Variants in PRKAR2B observed in about 807,000 individuals in gnomAD.
PRKAR2B encodes cAMP-dependent protein kinase type II-beta regulatory subunit.
In PRKAR2B, 14 loss-of-function variants were observed where a neutral mutation model predicts 49.9. That is an observed-to-expected ratio of 0.28 (90% CI 0.19 to 0.44). PRKAR2B has a LOEUF of 0.44. Among genes scored for constraint, PRKAR2B ranks in the 20% least tolerant of loss-of-function variants. The probability of loss-of-function intolerance (pLI) is 1.00; values close to 1 mark genes in which losing one functional copy is unlikely to be tolerated. For missense variants in PRKAR2B, 393 were observed against 537.9 expected (o/e 0.73, Z 2.67); for synonymous variants, 196 against 197.7 (o/e 0.99, Z 0.07).
intron 2 of PRKAR2B, among the ~76,000 whole-genome samples, chr7:107,083,168 G>T (rs998535817): frequency 6.6e-6 from 1 of 151,300 alleles, no homozygotes; most frequent in Non-Finnish European, 1.5e-5. Flanking sequence ...CCCTTGAGGG[G>T]ATTGTGCTAC....
chr7:107,065,765 C>G (rs1437715277), intron 1 of PRKAR2B, among the ~76,000 whole-genome samples: 2 of 152,182 alleles, frequency 1.3e-5, no homozygotes, highest in Admixed American at 1.3e-4. Flanking sequence ...TACTCAGCAC[C>G]TTTATCTGCC....
intron 2 of PRKAR2B, among the ~76,000 whole-genome samples, chr7:107,097,839 C>G (rs910128964): frequency 6.6e-6 from 1 of 152,148 alleles, no homozygotes; most frequent in Non-Finnish European, 1.5e-5. Flanking sequence ...ATATTGGCCC[C>G]CATTCTCTTC....
chr7:107,139,344 G>A (rs775066447), intron 4 of PRKAR2B, among the ~76,000 whole-genome samples: 3 of 152,160 alleles, frequency 2.0e-5, no homozygotes, highest in Non-Finnish European at 4.4e-5. Context: ...TTGTTCTAGG[G>A]CACCAGTGTT....
chr7:107,125,556 G>GT (rs1795466126), intron 3 of PRKAR2B, among the ~76,000 whole-genome samples: 1 of 152,204 alleles, frequency 6.6e-6, no homozygotes, highest in Non-Finnish European at 1.5e-5. Flanking sequence ...GAGGAAAAAT[G>GT]TAGGAGAGCA....
chr7:107,129,051 G>A (rs955317803), intron 4 of PRKAR2B: 1 of 151,974 alleles, frequency 6.6e-6, no homozygotes, highest in Non-Finnish European at 1.5e-5. Context: ...TTTTTATTTG[G>A]TCAAACTCAA....
chr7:107,105,164 A>G (rs1190774072), intron 2 of PRKAR2B, among the ~76,000 whole-genome samples: 2 of 152,178 alleles, frequency 1.3e-5, no homozygotes, highest in Non-Finnish European at 2.9e-5. Context: ...CTGGGGTTAC[A>G]TTAGCAGCTC....
At chr7:107,073,179 T>C (rs572384779) in intron 2 of PRKAR2B, among the ~76,000 whole-genome samples, 2 of 152,338 alleles carry the variant, frequency 1.3e-5, no homozygotes, top group South Asian at 4.1e-4. Flanking sequence ...CCTGAATAAT[T>C]TAAACAAAAC....
intron 4 of PRKAR2B, among the ~76,000 whole-genome samples, chr7:107,135,866 G>C (rs1430372973): frequency 1.3e-5 from 2 of 152,102 alleles, no homozygotes; most frequent in Non-Finnish European, 2.9e-5. Flanking sequence ...AAAGACCTAG[G>C]AGAGCTAACA....
intron 1 of PRKAR2B, among the ~76,000 whole-genome samples, chr7:107,053,340 A>G (rs1287345909): frequency 1.3e-5 from 2 of 152,218 alleles, no homozygotes; most frequent in East Asian, 1.9e-4. Flanking sequence ...GTAAAAAGCA[A>G]TTCTAAGCAA....
intron 3 of PRKAR2B, among the ~76,000 whole-genome samples, chr7:107,127,446 T>G (rs953380011): frequency 1.3e-5 from 2 of 151,112 alleles, no homozygotes; most frequent in African/African-American, 5.0e-5. Flanking sequence ...GAAAAGGGAC[T>G]CGAGAGATAG....
chr7:107,103,835 A>G (rs956099713), intron 2 of PRKAR2B, among the ~76,000 whole-genome samples: 2 of 152,196 alleles, frequency 1.3e-5, no homozygotes, highest in Non-Finnish European at 2.9e-5. Context: ...ACCCAAAGCT[A>G]TTCCTTGTTT....
intron 2 of PRKAR2B, among the ~76,000 whole-genome samples, chr7:107,119,705 A>T (rs1795353895): frequency 6.6e-6 from 1 of 152,156 alleles, no homozygotes; most frequent in African/African-American, 2.4e-5. Flanking sequence ...TTTCCTGCTC[A>T]CCAAGCAATC....
chr7:107,126,017 G>A (rs1003624071), intron 3 of PRKAR2B, among the ~76,000 whole-genome samples: 1 of 146,712 alleles, frequency 6.8e-6, no homozygotes, highest in Non-Finnish European at 1.5e-5. Flanking sequence ...AACCCAGGAG[G>A]CAAAGGTTGT....
At chr7:107,143,043 G>A (rs1455637393) in intron 5 of PRKAR2B, among the ~76,000 whole-genome samples, 3 of 152,142 alleles carry the variant, frequency 2.0e-5, no homozygotes, top group African/African-American at 4.8e-5. Flanking sequence ...GTTTACAGGT[G>A]TAAGTCAGTG....
At chr7:107,159,252 G>T (rs917674003) in intron 10 of PRKAR2B, among the ~76,000 whole-genome samples, 197 bp from the exon 11 acceptor site, 1 of 152,054 alleles carries the variant, frequency 6.6e-6, no homozygotes, top group Non-Finnish European at 1.5e-5. Context: ...TGCAGAGTGT[G>T]GTCCAAGAGC....
chr7:107,159,345 A>G (rs1796154358), intron 10 of PRKAR2B, 104 bp from the exon 11 acceptor site: 2 of 1,116,158 alleles, frequency 1.8e-6, no homozygotes, highest in East Asian at 2.5e-5. Context: ...TACCTAAAAT[A>G]TCATTGCACT....
At chr7:107,147,864 A>T (rs1795920861) in intron 6 of PRKAR2B, among the ~76,000 whole-genome samples, 1 of 152,216 alleles carries the variant, frequency 6.6e-6, no homozygotes, top group Non-Finnish European at 1.5e-5. Flanking sequence ...ATTTCCAAGG[A>T]CTACTGTATA....
chr7:107,051,159 A>C (rs1160001580), intron 1 of PRKAR2B, among the ~76,000 whole-genome samples: 2 of 152,230 alleles, frequency 1.3e-5, no homozygotes, highest in African/African-American at 4.8e-5. Flanking sequence ...TGTTGCCAAC[A>C]TTTTGTGCGC....
chr7:107,114,260 G>A (rs368635105), intron 2 of PRKAR2B, among the ~76,000 whole-genome samples: 1 of 149,036 alleles, frequency 6.7e-6, no homozygotes, highest in East Asian at 2.0e-4. Context: ...TCCTTTGGAG[G>A]CATTTTTGAA....
Sources: gnomAD v4.1 joint callset for allele counts (sites outside exome capture counted in the v4.1 genomes callset) on GRCh38, gnomAD v4.1.1 for gene constraint, MANE v1.5 for transcripts, NCBI Gene and HGNC (gene_info 2026-07-23, HGNC 2026-07-21) for gene names.